Variants in GRIP1 observed in about 807,000 individuals in gnomAD.
The protein encoded by GRIP1 is glutamate receptor interacting protein 1.
In GRIP1, 45 loss-of-function variants were observed where a neutral mutation model predicts 129.9. The observed-to-expected ratio is 0.35, with a 90% CI of 0.27 to 0.44. The LOEUF (loss-of-function observed/expected upper bound fraction) is 0.44, where lower values mean the gene tolerates loss of function less well. GRIP1 is among the 20% of genes least tolerant of loss of function. The pLI is 1.00. For synonymous variants in GRIP1, 530 were observed against 520.8 expected, an observed-to-expected ratio of 1.02 and a Z score of -0.24; for missense variants, 1,196 against 1,396.8, an observed-to-expected ratio of 0.86 and a Z score of 2.29.
At chr12:66,661,092 A>C (rs1284606999) in intron 1 of GRIP1, among the ~76,000 whole-genome samples, 1 of 152,110 alleles carries the variant, frequency 6.6e-6, no homozygotes, top group African/African-American at 2.4e-5. Context: ...GAAACGACAG[A>C]AACATGCTTA....
At chr12:66,420,466 G>A (rs1207849840) in intron 15 of GRIP1, among the ~76,000 whole-genome samples, 1 of 145,596 alleles carries the variant, frequency 6.9e-6, no homozygotes, top group African/African-American at 2.6e-5. Flanking sequence ...GACCAGTGAA[G>A]GAGAGCCTAT....
At chr12:66,992,256 T>C (rs542480790) in intron 1 of GRIP1, among the ~76,000 whole-genome samples, 1 of 152,190 alleles carries the variant, frequency 6.6e-6, no homozygotes, top group South Asian at 2.1e-4. Flanking sequence ...AAGCAGTAAT[T>C]GTATTGATTT....
chr12:66,650,318 C>A (rs2032702936), intron 1 of GRIP1, among the ~76,000 whole-genome samples: 1 of 152,164 alleles, frequency 6.6e-6, no homozygotes, highest in Non-Finnish European at 1.5e-5. Context: ...AGCACCATGA[C>A]AGATTTATTT....
chr12:66,707,310 G>A (rs2035563316), intron 1 of GRIP1, among the ~76,000 whole-genome samples: 1 of 151,694 alleles, frequency 6.6e-6, no homozygotes, highest in African/African-American at 2.4e-5. Context: ...GAGATCTAAG[G>A]AATTATTTAT....
chr12:66,527,917 C>T (rs2061310943), intron 5 of GRIP1, among the ~76,000 whole-genome samples: 1 of 151,912 alleles, frequency 6.6e-6, no homozygotes, highest in Middle Eastern at 3.4e-3. Context: ...GCCCCCATGA[C>T]ATGCAATTCC....
chr12:66,953,869 A>G (rs937420493), intron 1 of GRIP1, among the ~76,000 whole-genome samples: 39 of 152,138 alleles, frequency 2.6e-4, no homozygotes, highest in African/African-American at 9.4e-4. Context: ...AACCTAAATA[A>G]TAAGGATACG....
At chr12:66,760,336 T>TA (rs113095743) in intron 1 of GRIP1, among the ~76,000 whole-genome samples, 1,982 of 152,256 alleles carry the variant, frequency 0.013, 49 homozygotes, top group African/African-American at 0.046. Flanking sequence ...GGTACTAATT[T>TA]CTGTATTAGT....
chr12:66,728,526 A>G (rs964350993), intron 1 of GRIP1, among the ~76,000 whole-genome samples: 1 of 152,208 alleles, frequency 6.6e-6, no homozygotes, highest in African/African-American at 2.4e-5. Flanking sequence ...CTGGAAGGGC[A>G]CTTCCCAGAC....
chr12:66,627,941 G>A (rs764894442), intron 1 of GRIP1, among the ~76,000 whole-genome samples: 1 of 152,136 alleles, frequency 6.6e-6, no homozygotes, highest in Non-Finnish European at 1.5e-5. Flanking sequence ...GTGAGGAGGA[G>A]GCTAGGGGAG....
intron 1 of GRIP1, among the ~76,000 whole-genome samples, chr12:67,009,678 T>G (rs2042677299): frequency 6.6e-6 from 1 of 152,188 alleles, no homozygotes; most frequent in Admixed American, 6.6e-5. Flanking sequence ...ATTATTCAAA[T>G]AGACTACAAC....
At chr12:66,788,981 T>A (rs1432907748) in intron 1 of GRIP1, among the ~76,000 whole-genome samples, 2 of 152,180 alleles carry the variant, frequency 1.3e-5, no homozygotes, top group African/African-American at 2.4e-5. Context: ...GAATTAAACT[T>A]AAATAGATTA....
chr12:67,029,684 T>C (rs2042993228), intron 1 of GRIP1, among the ~76,000 whole-genome samples: 1 of 151,982 alleles, frequency 6.6e-6, no homozygotes, highest in South Asian at 2.1e-4. Flanking sequence ...AACATTGCTT[T>C]GACTTTTCCA....
At chr12:66,722,844 G>A (rs942760567) in intron 1 of GRIP1, among the ~76,000 whole-genome samples, 1 of 152,068 alleles carries the variant, frequency 6.6e-6, no homozygotes, top group Admixed American at 6.5e-5. Context: ...CACTAAAATG[G>A]TAAAACTAGA....
At chr12:66,484,321 TG>T (rs1021676206) in intron 7 of GRIP1, among the ~76,000 whole-genome samples, 36 of 152,334 alleles carry the variant, frequency 2.4e-4, no homozygotes, top group South Asian at 4.1e-4. Flanking sequence ...TTGTATTTCA[TG>T]AGGTGACCCA....
intron 1 of GRIP1, among the ~76,000 whole-genome samples, chr12:66,816,153 A>C (rs1489228539): frequency 1.3e-5 from 2 of 152,114 alleles, no homozygotes; most frequent in Non-Finnish European, 2.9e-5. Context: ...CACCTTACTG[A>C]ATTGGAAGAA....
chr12:67,006,680 A>G (rs1470824339), intron 1 of GRIP1, among the ~76,000 whole-genome samples: 1 of 152,258 alleles, frequency 6.6e-6, no homozygotes, highest in Non-Finnish European at 1.5e-5. Flanking sequence ...GGCTGGCACA[A>G]ACCTAAGGAC....
intron 16 of GRIP1, among the ~76,000 whole-genome samples, chr12:66,394,882 A>T (rs940776872): frequency 1.3e-5 from 2 of 152,228 alleles, no homozygotes; most frequent in Non-Finnish European, 2.9e-5. Context: ...TAGATAAGTA[A>T]ACTTGAAGAC....
At chr12:66,699,852 G>A (rs2035289258) in intron 1 of GRIP1, among the ~76,000 whole-genome samples, 1 of 152,168 alleles carries the variant, frequency 6.6e-6, no homozygotes, top group Non-Finnish European at 1.5e-5. Flanking sequence ...ACATCCACCT[G>A]CATGAGGCCC....
At chr12:66,568,233 ACAATTGATTCTT>A (rs1269920928) in intron 2 of GRIP1, 1 of 183,654 alleles carries the variant, frequency 5.4e-6, no homozygotes, top group Non-Finnish European at 1.2e-5. Flanking sequence ...TGACTTTTTG[ACAATTGATTCTT>A]TCCTTCTTGC....
Sources: allele counts gnomAD v4.1 joint callset (sites outside exome capture counted in the v4.1 genomes callset), GRCh38; gene constraint gnomAD v4.1.1; transcripts MANE v1.5; gene names NCBI Gene and HGNC (gene_info 2026-07-23, HGNC 2026-07-21).